RAB39A: variants seen among roughly 807,000 people sequenced by gnomAD.
The protein encoded by RAB39A is ras-related protein Rab-39A.
A neutral mutation model predicts 20.9 loss-of-function variants in RAB39A; 17 were observed. The ratio of observed to expected loss-of-function variants is 0.81; its 90% CI spans 0.56 to 1.22. The LOEUF is 1.22. Ranked by LOEUF, RAB39A falls within the 50% of genes most tolerant of loss-of-function variation. RAB39A has a pLI of 0.00. For missense variants in RAB39A, 234 were observed against 270.5 expected (o/e 0.87, Z 0.95); for synonymous variants, 99 against 103.4 (o/e 0.96, Z 0.26).
chr11:107,937,730 T>C (rs769764391), intron 1 of RAB39A, among the ~76,000 whole-genome samples: 12 of 151,742 alleles, frequency 7.9e-5, no homozygotes, highest in Non-Finnish European at 1.6e-4. Context: ...AAAACAAGAG[T>C]TTGTGGACTT....
At chr11:107,940,413 G>A (rs1433115860) in intron 1 of RAB39A, among the ~76,000 whole-genome samples, 2 of 151,766 alleles carry the variant, frequency 1.3e-5, no homozygotes, top group Admixed American at 6.6e-5. Flanking sequence ...ACAGGCGCAC[G>A]CCACCACGCC....
At chr11:107,953,669 A>G (rs1023070479) in intron 1 of RAB39A, among the ~76,000 whole-genome samples, 3 of 152,200 alleles carry the variant, frequency 2.0e-5, no homozygotes, top group African/African-American at 7.2e-5. Flanking sequence ...GATGCAACAA[A>G]AAATTTTAGT....
At chr11:107,952,746 G>A (rs1242890720) in intron 1 of RAB39A, among the ~76,000 whole-genome samples, 1 of 152,130 alleles carries the variant, frequency 6.6e-6, no homozygotes, top group Admixed American at 6.5e-5. Flanking sequence ...AGCTGGGCGT[G>A]GTGGCACATG....
intron 1 of RAB39A, among the ~76,000 whole-genome samples, chr11:107,946,450 ATATATATATATTTTTTTTTTTTTT>A (rs1565464286): frequency 1.4e-5 from 1 of 72,430 alleles, no homozygotes; most frequent in African/African-American, 5.4e-5. Context: ...ATATATATAT[ATATATATATATTTTTTTTTTTTTT>A]TTTTTTTTTT....
At chr11:107,931,415 T>C (rs77274824) in intron 1 of RAB39A, among the ~76,000 whole-genome samples, 10,037 of 152,280 alleles carry the variant, frequency 0.066, 362 homozygotes, top group African/African-American at 0.1. Context: ...TGAGTCATAA[T>C]TTATTTTGTT....
chr11:107,936,443 G>C (rs913942963), intron 1 of RAB39A, among the ~76,000 whole-genome samples: 2 of 150,638 alleles, frequency 1.3e-5, no homozygotes, highest in African/African-American at 4.9e-5. Context: ...ACTGGCTACC[G>C]CATGTGTCTG....
rs1451113452 is a variant in RAB39A at position 107,951,641 on chromosome 11, A to G, written c.228-10305A>G. 1.3e-4 allele frequency among the ~76,000 whole-genome samples: 11 copies of G among 83,034 alleles called. No individual in the cohort carries two copies. In the Admixed American group the frequency reaches 1.3e-3, roughly 10 times the overall value. 54.5% of individuals were successfully genotyped at this position (83,034 alleles called of 152,430 possible). A position where few individuals can be genotyped will look rare whatever the true frequency, so the allele number is the denominator to read the frequency against. ...TTTTTTTTTTTTTTTTTTTTTGGAG[A>G]CACGGTCTCAATCTGTCACCAACGC... On this transcript the variant is annotated intron_variant, in intron 1 of 1. Coordinates refer to ENST00000320578, the MANE Select transcript of RAB39A (RefSeq NM_017516.3).
chr11:107,933,248 C>T (rs1320298926), intron 1 of RAB39A, among the ~76,000 whole-genome samples: 1 of 151,298 alleles, frequency 6.6e-6, no homozygotes, highest in African/African-American at 2.4e-5. Context: ...TAATGTCCTC[C>T]TCGTGCAGTG....
chr11:107,951,615 A>ATTTTTTTTTTTTTT (rs4028253), intron 1 of RAB39A, among the ~76,000 whole-genome samples: 1 of 105,700 alleles, frequency 9.5e-6, no homozygotes, highest in Admixed American at 1.3e-4. Flanking sequence ...CCATTTTCAG[A>ATTTTTTTTTTTTTT]TTTTTTTTTT....
chr11:107,930,209 C>T (rs181212155), intron 1 of RAB39A, among the ~76,000 whole-genome samples: 5 of 152,196 alleles, frequency 3.3e-5, no homozygotes, highest in South Asian at 2.1e-4. Context: ...TTGTACAACA[C>T]GTAGAATTCC....
intron 1 of RAB39A, among the ~76,000 whole-genome samples, chr11:107,949,181 C>T (rs978673848): frequency 2.0e-5 from 3 of 151,870 alleles, no homozygotes; most frequent in Non-Finnish European, 4.4e-5. Flanking sequence ...GTGTGGGGCA[C>T]GTGCCTGTAA....
chr11:107,928,554 CG>C lies in RAB39A; in HGVS notation c.-11del, dbSNP rs1463817748. On this transcript the variant is annotated 5_prime_UTR_variant, in exon 1 of 2. Transcript: ENST00000320578. This position sits in a 1 kb window ranked among gnomAD's most constrained non-coding sequence, Gnocchi z 4.9. ...GCGGGTGGGGCGGCCCGGGAGCCAGCGGGGCACGTGAGCGATGGAGACCATC... is the reference window on the plus strand; with the variant it reads ...GCGGGTGGGGCGGCCCGGGAGCCAGCGGGCACGTGAGCGATGGAGACCATC... The C allele has an allele frequency of 4.2e-6, 6 of 1,442,600 alleles. No homozygotes were observed. In the South Asian group the frequency reaches 9.2e-5, roughly 22 times the overall value. The allele number at this position is 1,442,600 out of a possible 1,614,324, so 89.4% of individuals were successfully genotyped here.
chr11:107,928,692 G>C lies in RAB39A; in HGVS notation c.124G>C (p.Asp42His). 1 of 1,611,902 alleles carries C rather than the reference G, an allele frequency of 6.2e-7. No homozygotes were observed. The highest frequency in any genetic ancestry group is 8.5e-7 in the Non-Finnish European group (1 of 1,178,896). The part of the protein sequence containing the change: ...RFPGLRSPAC[D>H]PTVGVDFFSR... The stretch of plus-strand genomic sequence containing the variant: ...CCCCGGGCTGCGCTCCCCCGCCTGC[G>C]ACCCCACCGTCGGCGTGGACTTCTT... The change falls in exon 1 of 2, where the codon GAC becomes CAC. Residue 42 changes from aspartate to histidine, a missense_variant. Asp to His is a moderately conservative substitution (Grantham distance 81). Coordinates refer to ENST00000320578, the MANE Select transcript of RAB39A (RefSeq NM_017516.3). The surrounding 1 kb of genome is among the most constrained non-coding windows in gnomAD (Gnocchi z 4.9).
intron 1 of RAB39A, among the ~76,000 whole-genome samples, chr11:107,960,799 G>A (rs907211504): frequency 2.0e-5 from 3 of 152,162 alleles, no homozygotes; most frequent in African/African-American, 7.2e-5. Flanking sequence ...CTGACTAGAA[G>A]CAGAGGAATA....
chr11:107,940,287 A>T (rs984526866), intron 1 of RAB39A, among the ~76,000 whole-genome samples: 2 of 151,598 alleles, frequency 1.3e-5, no homozygotes. Flanking sequence ...TTTTTTTTAG[A>T]TGAGTCACAT....
At chr11:107,959,740 TGAG>T (rs796139589) in intron 1 of RAB39A, among the ~76,000 whole-genome samples, 54 of 152,302 alleles carry the variant, frequency 3.5e-4, no homozygotes, top group African/African-American at 1.3e-3. Context: ...ATTTCAGCAA[TGAG>T]GACAAGTAGG....
chr11:107,942,137 G>A (rs996021631), intron 1 of RAB39A, among the ~76,000 whole-genome samples: 17 of 139,004 alleles, frequency 1.2e-4, no homozygotes, highest in Non-Finnish European at 2.3e-4. Context: ...ACATTTGATA[G>A]AACAGATGGG....
At chr11:107,947,188 G>A (rs544797568) in intron 1 of RAB39A, among the ~76,000 whole-genome samples, 15 of 151,700 alleles carry the variant, frequency 9.9e-5, no homozygotes, top group East Asian at 7.8e-4. Context: ...TGCAAGCTCC[G>A]CCTCCCAGGT....
chr11:107,929,260 G>A (rs1342397427), intron 1 of RAB39A, among the ~76,000 whole-genome samples: 1 of 152,204 alleles, frequency 6.6e-6, no homozygotes, highest in African/African-American at 2.4e-5. Flanking sequence ...CCGCGAGGGA[G>A]GGTTCCCAGA....
Sources: gnomAD v4.1 joint callset for allele counts (sites outside exome capture counted in the v4.1 genomes callset) on GRCh38, gnomAD v4.1.1 for gene constraint, Gnocchi (gnomAD v3.1) non-coding constraint, MANE v1.5 for transcripts, NCBI Gene and HGNC (gene_info 2026-07-23, HGNC 2026-07-21) for gene names.